CEP250: variants seen among roughly 807,000 people sequenced by gnomAD.
CEP250 encodes centrosomal protein 250.
Under a neutral mutation model 315.7 loss-of-function variants are expected in CEP250, and 242 were observed. The ratio of observed to expected loss-of-function variants is 0.77; its 90% CI spans 0.69 to 0.85. The LOEUF (loss-of-function observed/expected upper bound fraction) is 0.85. Ranked by LOEUF, CEP250 falls within the 40% of genes least tolerant of loss-of-function variation. CEP250 has a pLI of 0.00. For synonymous variants in CEP250, 1,088 were observed against 1,175.0 expected (o/e 0.93, Z 1.51); for missense variants, 2,515 against 2,886.4 (o/e 0.87, Z 2.95).
intron 24 of CEP250, 101 bp from the exon 25 acceptor site, chr20:35,496,470 ACTATTT>A: frequency 3.1e-6 from 3 of 954,348 alleles, no homozygotes; most frequent in Non-Finnish European, 4.6e-6. Flanking sequence ...CATTATCATT[ACTATTT>A]CTATTTTGAT....
At chr20:35,502,017 G>T in intron 29 of CEP250, 51 bp downstream of exon 29, 2 of 1,583,638 alleles carry the variant, frequency 1.3e-6, no homozygotes, top group South Asian at 1.1e-5. Flanking sequence ...GTAGTCCCTT[G>T]GGCCCACCTT....
chr20:35,479,378 G>A lies in CEP250; in HGVS notation c.2242G>A (p.Val748Met), dbSNP rs754323656. ...GGCTCTAGAGGTGCGGCTGCAGGCC[G>A]TGGAGCGTGACCGGCAGGACCTCGC... is the stretch of plus-strand genomic sequence containing the variant. ...KAALEVRLQAVERDRQDLAEQ... is the reference protein window; with the variant it reads ...KAALEVRLQAMERDRQDLAEQ... Residue 748 changes from valine to methionine, a missense_variant, in exon 18 of 35, where the codon GTG (valine) becomes ATG (methionine). Physicochemically the swap from Val to Met is conservative, Grantham distance 21 (BLOSUM62 1). Transcript: ENST00000397527. The A allele has an allele frequency of 6.3e-5, 101 of 1,614,082 alleles. 1 individual carries two copies. The highest frequency in any genetic ancestry group is 2.5e-4 in the Admixed American group (15 of 60,000).
At chr20:35,499,793 A>G (rs2063949505) in intron 27 of CEP250, among the ~76,000 whole-genome samples, 1 of 152,180 alleles carries the variant, frequency 6.6e-6, no homozygotes, top group African/African-American at 2.4e-5. Context: ...GCTAACTTTG[A>G]GCAGGAGCTC....
chr20:35,475,470 G>A (rs1422637622), intron 14 of CEP250, 32 bp from the exon 15 acceptor site: 1 of 1,609,892 alleles, frequency 6.2e-7, no homozygotes, highest in Admixed American at 1.7e-5. Context: ...ATCCCTAAGA[G>A]TTCCTCTAGA....
chr20:35,510,965 TAGCCTGGG>T (rs2064338242), intron 34 of CEP250, among the ~76,000 whole-genome samples: 1 of 152,096 alleles, frequency 6.6e-6, no homozygotes, highest in Non-Finnish European at 1.5e-5. Flanking sequence ...CACTGCACTC[TAGCCTGGG>T]CAACAGAGCA....
rs34747030 is a variant in CEP250 at position 35,491,895 on chromosome 20, C to CAAAAA, written c.2889+568_2889+572dup. On this transcript the variant is annotated intron_variant, in intron 22 of 34. Coordinates refer to ENST00000397527, the MANE Select transcript of CEP250 (RefSeq NM_007186.6). ...CCAGCCTTGGTGATAGAGCGAGTCT[C>CAAAAA]AAAAAAAAAAAAAAAAAAAAAAAGG... Among the ~76,000 whole-genome samples, 2 of 63,928 alleles carry CAAAAA rather than the reference C, an allele frequency of 3.1e-5. 1 individual carries two copies. The highest frequency in any genetic ancestry group is 5.2e-5 in the Non-Finnish European group (2 of 38,336). 41.9% of individuals were successfully genotyped at this position (63,928 alleles called of 152,430 possible). A position where few individuals can be genotyped will look rare whatever the true frequency, so the allele number is the denominator to read the frequency against.
At chr20:35,494,353 G>A in intron 23 of CEP250, 171 bp from the exon 24 acceptor site, 1 of 782,752 alleles carries the variant, frequency 1.3e-6, no homozygotes, top group South Asian at 1.8e-5. Context: ...GAATTGTATT[G>A]AGGAAGGGGG....
In CEP250 at chr20:35,503,907, T is replaced by C. The variant is rs1443144183; in HGVS notation, c.5538T>C (p.Ala1846=). 2.5e-6 allele frequency: 4 copies of C among 1,613,586 alleles called. No homozygotes were observed. The highest frequency in any genetic ancestry group is 3.4e-6 in the Non-Finnish European group (4 of 1,179,784). The part of the protein sequence containing the change: ...VKEKADALQG[A]LEQAHMTLKE... ...AAAAGGCAGACGCCCTCCAGGGAGC[T>C]CTGGAGCAAGCCCATATGACACTGA... is the stretch of plus-strand genomic sequence containing the variant. The change falls in exon 30 of 35, where the codon GCT becomes GCC. Residue 1846 remains alanine (A), a synonymous_variant. Transcript: ENST00000397527. This position sits in a 1 kb window ranked among gnomAD's most constrained non-coding sequence, Gnocchi z 4.2.
At chr20:35,467,264 G>C (rs1329114629) in intron 8 of CEP250, 40 bp from the exon 9 acceptor site, 7 of 1,592,998 alleles carry the variant, frequency 4.4e-6, no homozygotes, top group African/African-American at 1.3e-5. Context: ...TCCTTCCCTG[G>C]TTCCTAGTGG....
chr20:35,476,394 T>G, intron 15 of CEP250, 55 bp from the exon 16 acceptor site: 1 of 1,558,336 alleles, frequency 6.4e-7, no homozygotes, highest in Non-Finnish European at 8.8e-7. Context: ...GTGAACTGTT[T>G]ACTGTTCCAG....
intron 20 of CEP250, among the ~76,000 whole-genome samples, chr20:35,482,341 C>T (rs1309130152): frequency 4.6e-5 from 7 of 151,918 alleles, no homozygotes; most frequent in Non-Finnish European, 1.0e-4. Context: ...CGCCATTCTC[C>T]TGCCTCAGCC....
At chr20:35,456,471 T>A (rs2062628099) in intron 1 of CEP250, among the ~76,000 whole-genome samples, 1 of 152,204 alleles carries the variant, frequency 6.6e-6, no homozygotes, top group Non-Finnish European at 1.5e-5. Context: ...CGCGAAGGCT[T>A]AGAAAGGAGA....
At chr20:35,478,162 T>G in intron 17 of CEP250, 61 bp downstream of exon 17, 2 of 1,094,720 alleles carry the variant, frequency 1.8e-6, no homozygotes, top group Non-Finnish European at 1.3e-6. Flanking sequence ...TATAAAAAAT[T>G]AAAACACTAC....
At position 35,499,921 on chromosome 20, in the gene CEP250, C is replaced by T. The variant is rs542125808; in HGVS notation, c.3778-128C>T. 2.7e-5 allele frequency: 32 copies of T among 1,174,014 alleles called. No individual in the cohort carries two copies. The Admixed American group carries it at 3.4e-4, about 12-fold the overall frequency. The allele number at this position is 1,174,014 out of a possible 1,614,324, so 72.7% of individuals were successfully genotyped here. A position where few individuals can be genotyped will look rare whatever the true frequency, so the allele number is the denominator to read the frequency against. The stretch of plus-strand genomic sequence containing the variant: ...ACACATGTGTTTAAAGGAAGTAACC[C>T]GGCAATCTGGGAGTAGGTCCACAAT... On this transcript the variant is annotated intron_variant, in intron 27 of 34. Coordinates refer to ENST00000397527, the MANE Select transcript of CEP250 (RefSeq NM_007186.6).
At chr20:35,493,668 C>T in intron 23 of CEP250, 96 bp downstream of exon 23, 2 of 1,251,996 alleles carry the variant, frequency 1.6e-6, no homozygotes, top group Non-Finnish European at 2.1e-6. Flanking sequence ...CTTGGCCCTG[C>T]TGCCTGGTTT....
At chr20:35,460,169 GT>G (rs992219336) in intron 3 of CEP250, 64 bp downstream of exon 3, 1 of 152,182 alleles carries the variant, frequency 6.6e-6, no homozygotes, top group Non-Finnish European at 1.5e-5. Context: ...ATGGGGAAAG[GT>G]TGTATTCCCC....
At position 35,473,689 on chromosome 20, in the gene CEP250, T is replaced by C; in HGVS notation, c.1388+137T>C. 2.8e-6 allele frequency: 3 copies of C among 1,073,186 alleles called. No individual in the cohort carries two copies. The South Asian group carries it at 5.1e-5, about 18-fold the overall frequency. The allele number at this position is 1,073,186 out of a possible 1,614,324, so 66.5% of individuals were successfully genotyped here. On this transcript the variant is annotated intron_variant, in intron 13 of 34. Coordinates refer to ENST00000397527, the MANE Select transcript of CEP250 (RefSeq NM_007186.6). ...TGAGACTCAGGGCTGTTTTGCCCAG[T>C]GTTTCACTTGTTTCTCCAGAACAAG...
At chr20:35,472,576 G>T (rs1387971564) in intron 11 of CEP250, 97 bp from the exon 12 acceptor site, 3 of 1,271,860 alleles carry the variant, frequency 2.4e-6, no homozygotes, top group Non-Finnish European at 3.3e-6. Flanking sequence ...GACCTGAGAA[G>T]GAAAACATCA....
At position 35,498,651 on chromosome 20, in the gene CEP250, G is replaced by A. The variant is rs375032151; in HGVS notation, c.3712G>A (p.Ala1238Thr). Residue 1238 changes from alanine to threonine, a missense_variant, in exon 27 of 35, where the codon GCT (alanine) becomes ACT (threonine). Ala to Thr is a moderately conservative substitution (Grantham distance 58, BLOSUM62 0). Transcript: ENST00000397527. ...AGGGCCCCTGCTGACTGCTCTCTCC[G>A]CTGAGGCAGTAGCATCTGCCCTCCA... ...KRGPLLTALS[A>T]EAVASALHKL... 1.5e-5 allele frequency: 24 copies of A among 1,608,054 alleles called. No homozygotes were observed. The highest frequency in any genetic ancestry group is 1.7e-4 in the Middle Eastern group (1 of 6,028).
Sources: gnomAD v4.1 joint callset for allele counts (sites outside exome capture counted in the v4.1 genomes callset) on GRCh38, gnomAD v4.1.1 for gene constraint, Gnocchi (gnomAD v3.1) non-coding constraint, MANE v1.5 for transcripts, NCBI Gene and HGNC (gene_info 2026-07-23, HGNC 2026-07-21) for gene names.